KIAA1671: variants seen among roughly 807,000 people sequenced by gnomAD.
KIAA1671 encodes KIAA1671, also known as uncharacterized protein KIAA1671.
Under a neutral mutation model 131.2 loss-of-function variants are expected in KIAA1671, and 52 were observed. The observed-to-expected ratio is 0.40, with a 90% CI of 0.32 to 0.50. KIAA1671 has a LOEUF of 0.50. Among genes scored for constraint, KIAA1671 ranks in the 20% least tolerant of loss-of-function variants. The pLI is 0.73. For missense variants in KIAA1671, 2,360 were observed against 2,364.2 expected (o/e 1.00, Z 0.04); for synonymous variants, 1,003 against 961.6 (o/e 1.04, Z -0.80).
At chr22:25,153,926 C>G (rs777722821) in intron 6 of KIAA1671, among the ~76,000 whole-genome samples, 2 of 152,214 alleles carry the variant, frequency 1.3e-5, no homozygotes, top group African/African-American at 4.8e-5. Flanking sequence ...GGTGTCTCTT[C>G]CATGAATCCT....
chr22:25,162,540 T>G (rs1933481827), intron 6 of KIAA1671, among the ~76,000 whole-genome samples: 1 of 152,262 alleles, frequency 6.6e-6, no homozygotes, highest in African/African-American at 2.4e-5. Context: ...ACCTTTTCTA[T>G]TTAAGAAACT....
At chr22:25,118,844 C>G (rs895155099) in intron 6 of KIAA1671, among the ~76,000 whole-genome samples, 4 of 152,140 alleles carry the variant, frequency 2.6e-5, no homozygotes, top group African/African-American at 7.2e-5. Context: ...GTCAGTCACC[C>G]CCTGCTCCTT....
intron 1 of KIAA1671, among the ~76,000 whole-genome samples, chr22:24,993,453 CT>C (rs1489764787): frequency 6.6e-6 from 1 of 152,224 alleles, no homozygotes; most frequent in East Asian, 1.9e-4. Flanking sequence ...GACCTCATGG[CT>C]TTCCCTTGGC....
At chr22:25,069,276 C>T (rs954294217) in intron 6 of KIAA1671, among the ~76,000 whole-genome samples, 2 of 152,152 alleles carry the variant, frequency 1.3e-5, no homozygotes, top group Non-Finnish European at 2.9e-5. Context: ...GATAATTTGT[C>T]GCATTTTACA....
At chr22:24,962,711 C>T (rs1017871614) in intron 1 of KIAA1671, among the ~76,000 whole-genome samples, 3 of 152,140 alleles carry the variant, frequency 2.0e-5, no homozygotes, top group East Asian at 1.9e-4. Context: ...TATTAGTCTA[C>T]GGAGGCCCAG....
chr22:24,957,877 C>T (rs1174634814), intron 1 of KIAA1671, among the ~76,000 whole-genome samples: 1 of 151,040 alleles, frequency 6.6e-6, no homozygotes, highest in Non-Finnish European at 1.5e-5. Context: ...AGGGTTTCTC[C>T]ATGTTGGTCA....
intron 6 of KIAA1671, among the ~76,000 whole-genome samples, chr22:25,128,603 C>T (rs1477602598): frequency 6.6e-6 from 1 of 152,146 alleles, no homozygotes; most frequent in Non-Finnish European, 1.5e-5. Context: ...CCTGACCAAC[C>T]GAGAAAGTCT....
intron 6 of KIAA1671, among the ~76,000 whole-genome samples, chr22:25,099,895 T>A (rs1352034662): frequency 6.6e-6 from 1 of 152,150 alleles, no homozygotes; most frequent in African/African-American, 2.4e-5. Context: ...TGCCTGTTGC[T>A]GGGGGCCTCC....
intron 1 of KIAA1671, among the ~76,000 whole-genome samples, chr22:24,963,939 C>CA (rs774845548): frequency 0.036 from 2,410 of 66,098 alleles, 64 homozygotes; most frequent in East Asian, 0.15. Context: ...GATTCCATCT[C>CA]AAAAAAAAAA....
At chr22:25,184,155 G>A (rs1326444064) in intron 10 of KIAA1671, among the ~76,000 whole-genome samples, 1 of 152,218 alleles carries the variant, frequency 6.6e-6, no homozygotes, top group Non-Finnish European at 1.5e-5. Context: ...GGCTTGTCCT[G>A]GAAAGAACCC....
intron 12 of KIAA1671, 38 bp downstream of exon 12, chr22:25,190,822 C>T: frequency 2.8e-6 from 4 of 1,424,972 alleles, no homozygotes; most frequent in Non-Finnish European, 3.9e-6. Flanking sequence ...GGGAAGAGCC[C>T]TGCAGTCACA....
chr22:25,123,939 T>G (rs981251922), intron 6 of KIAA1671, among the ~76,000 whole-genome samples: 2 of 152,160 alleles, frequency 1.3e-5, no homozygotes, highest in African/African-American at 4.8e-5. Context: ...GGCCAGGGAG[T>G]ATTATTTAAT....
At chr22:24,967,768 G>A (rs553227287) in intron 1 of KIAA1671, among the ~76,000 whole-genome samples, 1 of 152,298 alleles carries the variant, frequency 6.6e-6, no homozygotes, top group South Asian at 2.1e-4. Flanking sequence ...CAAGGTGGGC[G>A]GATCATGAGG....
intron 1 of KIAA1671, among the ~76,000 whole-genome samples, chr22:25,018,004 C>A (rs1432515829): frequency 6.6e-6 from 1 of 151,980 alleles, no homozygotes; most frequent in African/African-American, 2.4e-5. Context: ...ATATGTGTTT[C>A]CTCTGCTGAC....
At chr22:25,052,835 G>C (rs1484774677) in intron 6 of KIAA1671, 12 of 152,264 alleles carry the variant, frequency 7.9e-5, no homozygotes, top group African/African-American at 2.6e-4. Context: ...TCGTGCCTCA[G>C]CCTGCTGAGT....
chr22:25,116,919 C>T (rs536450638), intron 6 of KIAA1671, among the ~76,000 whole-genome samples: 2 of 152,266 alleles, frequency 1.3e-5, no homozygotes, highest in Admixed American at 1.3e-4. Flanking sequence ...TGTCTTTAAC[C>T]TCAAACTATT....
Position 25,021,343 on chromosome 22 carries a change from G to T in KIAA1671, c.-207-4290G>T, listed in dbSNP as rs900970162. ...CAAAGTGCTGGGATTATAGGCATGA[G>T]ACATTGCGCCTGGCCAGAGGCTGAT... On this transcript the variant is annotated intron_variant, in intron 1 of 12. Transcript: ENST00000358431. 3.3e-5 allele frequency among the ~76,000 whole-genome samples: 5 copies of T among 151,972 alleles called. No homozygotes were observed. The East Asian group carries it at 7.7e-4, about 23-fold the overall frequency.
At chr22:25,005,346 T>TAAAA (rs569086369) in intron 1 of KIAA1671, among the ~76,000 whole-genome samples, 38 of 111,484 alleles carry the variant, frequency 3.4e-4, no homozygotes, top group African/African-American at 1.2e-3. Flanking sequence ...AGACTCCATC[T>TAAAA]AAAAAAAAAA....
At chr22:25,067,206 C>T (rs2145843578) in intron 6 of KIAA1671, among the ~76,000 whole-genome samples, 1 of 152,184 alleles carries the variant, frequency 6.6e-6, no homozygotes, top group East Asian at 1.9e-4. Context: ...CGGTGCTCCC[C>T]TCCCCACACC....
Sources: allele counts gnomAD v4.1 joint callset (sites outside exome capture counted in the v4.1 genomes callset), GRCh38; gene constraint gnomAD v4.1.1; transcripts MANE v1.5; gene names NCBI Gene and HGNC (gene_info 2026-07-23, HGNC 2026-07-21).